The following HIPK3 variants were observed in gnomAD, a reference collection of about 807,000 sequenced individuals.
The protein encoded by HIPK3 is homeodomain-interacting protein kinase 3.
A neutral mutation model predicts 124.2 loss-of-function variants in HIPK3; 47 were observed. The ratio of observed to expected loss-of-function variants is 0.38; its 90% CI spans 0.30 to 0.48. HIPK3 has a LOEUF of 0.48. HIPK3 is among the 20% of genes least tolerant of loss of function. The probability of loss-of-function intolerance (pLI) is 0.98; values close to 1 mark genes in which losing one functional copy is unlikely to be tolerated. For missense variants in HIPK3, 1,286 were observed against 1,454.3 expected (o/e 0.88, Z 1.88); for synonymous variants, 482 against 515.2 (o/e 0.94, Z 0.87).
intron 1 of HIPK3, among the ~76,000 whole-genome samples, chr11:33,278,566 T>C (rs1319571741): frequency 6.6e-6 from 1 of 152,212 alleles, no homozygotes; most frequent in Non-Finnish European, 1.5e-5. Flanking sequence ...CTTTGTTTTT[T>C]TAGCATGCTC....
intron 2 of HIPK3, among the ~76,000 whole-genome samples, chr11:33,295,536 C>T (rs1273766808): frequency 5.3e-5 from 8 of 152,272 alleles, no homozygotes; most frequent in East Asian, 1.9e-4. Context: ...TGGTCGGAGT[C>T]AGCGCACCTG....
At chr11:33,334,767 C>A (rs1346453877) in intron 3 of HIPK3, among the ~76,000 whole-genome samples, 1 of 152,112 alleles carries the variant, frequency 6.6e-6, no homozygotes, top group African/African-American at 2.4e-5. Flanking sequence ...TTGCTCTAGG[C>A]AGTAAAGGGT....
At chr11:33,350,740 A>G (rs932478790) in intron 14 of HIPK3, among the ~76,000 whole-genome samples, 1 of 152,156 alleles carries the variant, frequency 6.6e-6, no homozygotes, top group African/African-American at 2.4e-5. Context: ...GTGGCAACAA[A>G]CATTTGAAAA....
At chr11:33,341,308 G>C (rs1039652567) in intron 7 of HIPK3, among the ~76,000 whole-genome samples, 181 bp downstream of exon 7, 1 of 151,992 alleles carries the variant, frequency 6.6e-6, no homozygotes, top group South Asian at 2.1e-4. Flanking sequence ...TATCTACTCC[G>C]ATTCACTTTT....
chr11:33,292,020 G>A (rs1283421771), intron 2 of HIPK3, among the ~76,000 whole-genome samples: 3 of 152,114 alleles, frequency 2.0e-5, no homozygotes, highest in African/African-American at 7.2e-5. Flanking sequence ...CAAAGTTTCT[G>A]TAACAAAATT....
At chr11:33,270,475 A>C (rs1384309739) in intron 1 of HIPK3, among the ~76,000 whole-genome samples, 1 of 152,206 alleles carries the variant, frequency 6.6e-6, no homozygotes, top group Non-Finnish European at 1.5e-5. Context: ...CGCCCGGCTA[A>C]GAAAATTGAG....
rs11429812 is a variant in HIPK3, at chr11:33,354,700, GT to G, written c.*1146del. 322 of 143,322 alleles carry G rather than the reference GT, an allele frequency of 2.2e-3. 1 individual carries two copies. The highest frequency in any genetic ancestry group is 5.6e-3 in the African/African-American group (216 of 38,864). The allele number at this position is 143,322 out of a possible 1,614,324, so 8.9% of individuals were successfully genotyped here. The stretch of plus-strand genomic sequence containing the variant: ...ATTTTTGATTTATGCATGTGAGAGG[GT>G]TTTTTTTTTTTTTAAGTATTTTTAC... On this transcript the variant is annotated 3_prime_UTR_variant, in exon 17 of 17. Coordinates refer to ENST00000303296, the MANE Select transcript of HIPK3 (RefSeq NM_005734.5).
chr11:33,338,052 T>C (rs1853210364), intron 4 of HIPK3, among the ~76,000 whole-genome samples: 1 of 152,192 alleles, frequency 6.6e-6, no homozygotes, highest in African/African-American at 2.4e-5. Flanking sequence ...TTAATTCATC[T>C]TAAATTAAAA....
intron 8 of HIPK3, among the ~76,000 whole-genome samples, chr11:33,344,899 C>T (rs2133992892): frequency 6.6e-6 from 1 of 152,046 alleles, no homozygotes; most frequent in South Asian, 2.1e-4. Flanking sequence ...GGCTTCTTGC[C>T]CCTCCCCTTC....
intron 2 of HIPK3, among the ~76,000 whole-genome samples, chr11:33,301,311 T>C (rs888110790): frequency 2.0e-5 from 3 of 152,176 alleles, no homozygotes; most frequent in Non-Finnish European, 4.4e-5. Flanking sequence ...AAATACTGTG[T>C]TCCAAAGTTA....
intron 1 of HIPK3, among the ~76,000 whole-genome samples, chr11:33,272,143 A>G (rs888095181): frequency 6.6e-6 from 1 of 152,198 alleles, no homozygotes; most frequent in Non-Finnish European, 1.5e-5. Flanking sequence ...CACGCCTGTA[A>G]TCCCAGCACT....
At chr11:33,327,393 GA>G (rs2133966697) in intron 2 of HIPK3, among the ~76,000 whole-genome samples, 2 of 152,236 alleles carry the variant, frequency 1.3e-5, no homozygotes, top group South Asian at 4.1e-4. Flanking sequence ...AAAGGTCATG[GA>G]AATCTAGACA....
At chr11:33,325,883 T>C (rs1590403107) in intron 2 of HIPK3, among the ~76,000 whole-genome samples, 1 of 152,250 alleles carries the variant, frequency 6.6e-6, no homozygotes, top group Non-Finnish European at 1.5e-5. Context: ...ATATAATTAA[T>C]GTGTATACAT....
chr11:33,350,215 TC>T (rs1251694395), intron 14 of HIPK3, among the ~76,000 whole-genome samples: 1 of 152,230 alleles, frequency 6.6e-6, no homozygotes, highest in Non-Finnish European at 1.5e-5. Flanking sequence ...TGGCCCACTG[TC>T]TACAGGACAT....
chr11:33,341,673 C>T lies in HIPK3; in HGVS notation c.1884C>T (p.Pro628=). 2 of 1,610,634 alleles carry T rather than the reference C, an allele frequency of 1.2e-6. No homozygotes were observed. Among genetic ancestry groups the T allele is most frequent in the Non-Finnish European group, 1.7e-6 (2 of 1,178,780 alleles). The part of the protein sequence containing the change: ...DAFQQTLIIC[P]PAIQGIPATH... ...TTCAGCAGACATTGATTATCTGTCC[C>T]CCAGCTATTCAAGGTATTATTTTAT... Residue 628 remains proline (P), a synonymous_variant, in exon 8 of 17, where the codon CCC becomes CCT. Transcript: ENST00000303296.
At chr11:33,314,925 C>T (rs1353418629) in intron 2 of HIPK3, among the ~76,000 whole-genome samples, 2 of 152,118 alleles carry the variant, frequency 1.3e-5, no homozygotes, top group Non-Finnish European at 2.9e-5. Flanking sequence ...ACCTCCTAAT[C>T]ACCTGTAAAA....
chr11:33,270,840 AT>A (rs1851105661), intron 1 of HIPK3, among the ~76,000 whole-genome samples: 1 of 152,146 alleles, frequency 6.6e-6, no homozygotes, highest in African/African-American at 2.4e-5. Context: ...AAGAGGAAAC[AT>A]TGTTATATCC....
chr11:33,330,845 T>C (rs1360096454), intron 3 of HIPK3, among the ~76,000 whole-genome samples: 1 of 151,964 alleles, frequency 6.6e-6, no homozygotes. Context: ...CTTTTTTTTT[T>C]GCACTTGTTA....
Position 33,348,873 on chromosome 11 carries a change from C to A in HIPK3, c.2666+55C>A. 2.0e-6 allele frequency: 3 copies of A among 1,483,956 alleles called. No individual in the cohort carries two copies. The South Asian group carries it at 3.8e-5, about 19-fold the overall frequency. 91.9% of individuals were successfully genotyped at this position (1,483,956 alleles called of 1,614,324 possible). On this transcript the variant is annotated intron_variant, in intron 13 of 16. Coordinates refer to ENST00000303296, the MANE Select transcript of HIPK3 (RefSeq NM_005734.5). ...ATATAGATGGCATCCTTTGGTGTGC[C>A]GAAAAACAACTTTCTGTGACTTATT... is the stretch of plus-strand genomic sequence containing the variant.
Sources: allele counts gnomAD v4.1 joint callset (sites outside exome capture counted in the v4.1 genomes callset), GRCh38; gene constraint gnomAD v4.1.1; transcripts MANE v1.5; gene names NCBI Gene and HGNC (gene_info 2026-07-23, HGNC 2026-07-21).